Variants in PCDHA10 observed in about 807,000 individuals in gnomAD.
PCDHA10 encodes the protein protocadherin alpha-10.
In PCDHA10, 45 loss-of-function variants were observed where a neutral mutation model predicts 61.2. The observed-to-expected ratio is 0.74, with a 90% CI of 0.58 to 0.94. PCDHA10 has a LOEUF of 0.94. Among genes scored for constraint, PCDHA10 ranks in the 40% least tolerant of loss-of-function variants. PCDHA10 has a pLI of 0.00. For missense variants in PCDHA10, 1,278 were observed against 1,236.2 expected (o/e 1.03, Z -0.51); for synonymous variants, 602 against 548.8 (o/e 1.10, Z -1.35).
chr5:140,999,797 T>C (rs2097876830), intron 3 of PCDHA10, among the ~76,000 whole-genome samples: 1 of 152,202 alleles, frequency 6.6e-6, no homozygotes, highest in African/African-American at 2.4e-5. Context: ...CAGAGTTATT[T>C]TGGGCACAAA....
intron 1 of PCDHA10, among the ~76,000 whole-genome samples, chr5:140,896,063 G>A (rs531616608): frequency 1.4e-3 from 217 of 152,130 alleles, no homozygotes; most frequent in African/African-American, 4.7e-3. Flanking sequence ...CGCCTGCCTC[G>A]GCCTCCCAAC....
intron 3 of PCDHA10, among the ~76,000 whole-genome samples, chr5:140,988,486 T>C (rs2153874124): frequency 6.6e-6 from 1 of 152,286 alleles, no homozygotes; most frequent in South Asian, 2.1e-4. Context: ...TAGCATCCCC[T>C]ACCTAGGAGA....
chr5:140,887,183 A>G (rs1211270850), intron 1 of PCDHA10, among the ~76,000 whole-genome samples: 2 of 147,766 alleles, frequency 1.4e-5, no homozygotes, highest in African/African-American at 5.0e-5. Flanking sequence ...TGCAAGCTCC[A>G]CCTCCCGGGT....
intron 1 of PCDHA10, chr5:140,884,124 G>T: frequency 6.2e-7 from 1 of 1,613,344 alleles, no homozygotes; most frequent in South Asian, 1.1e-5. Flanking sequence ...GTCGGCGCGC[G>T]CATCCCGTTC....
At chr5:140,879,347 T>C (rs530902728) in intron 1 of PCDHA10, among the ~76,000 whole-genome samples, 44 of 152,324 alleles carry the variant, frequency 2.9e-4, no homozygotes, top group African/African-American at 1.0e-3. Context: ...GCTGAGAAGA[T>C]GACATTGCCA....
At chr5:140,903,545 CTT>C (rs1410531246) in intron 1 of PCDHA10, among the ~76,000 whole-genome samples, 2 of 152,130 alleles carry the variant, frequency 1.3e-5, no homozygotes, top group East Asian at 3.8e-4. Flanking sequence ...GAGCAAGAAA[CTT>C]TTCTAATAAG....
At position 140,870,670 on chromosome 5, in the gene PCDHA10, G is replaced by A. The variant is rs782000668; in HGVS notation, c.2388+12234G>A. On this transcript the variant is annotated intron_variant, in intron 1 of 3. Coordinates refer to ENST00000307360, the MANE Select transcript of PCDHA10 (RefSeq NM_018901.4). Reference sequence around the variant, plus strand: ...CAAGGTGTACGCGCTGCAGCCGTTGGACCACGAGGAGCTGGAGCTGCTACA... The same window carrying A: ...CAAGGTGTACGCGCTGCAGCCGTTGAACCACGAGGAGCTGGAGCTGCTACA... The A allele has an allele frequency of 3.1e-6, 5 of 1,612,518 alleles. No individual in the cohort carries two copies. The East Asian group carries it at 1.1e-4, about 36-fold the overall frequency.
In PCDHA10 at chr5:140,882,450, C is replaced by A. The variant is rs781827745; in HGVS notation, c.2388+24014C>A. On this transcript the variant is annotated intron_variant, in intron 1 of 3. Transcript: ENST00000307360. ...GGGCTGGAGCTGGCGGAGCTGGTGC[C>A]GCGCCTGTTCCGGGTGGCGTCCAAA... The A allele has an allele frequency of 1.7e-5, 28 of 1,613,872 alleles. No individual in the cohort carries two copies. In the East Asian group the frequency reaches 4.5e-4, roughly 26 times the overall value.
chr5:140,936,312 C>A (rs2090900162), intron 1 of PCDHA10, among the ~76,000 whole-genome samples: 1 of 152,166 alleles, frequency 6.6e-6, no homozygotes, highest in Non-Finnish European at 1.5e-5. Context: ...ATAGAACTTT[C>A]TGACATGCTA....
chr5:140,967,873 C>T lies in PCDHA10; in HGVS notation c.2389-11076C>T, dbSNP rs1554230047. On this transcript the variant is annotated intron_variant, in intron 1 of 3. Transcript: ENST00000307360. ...ATGCCCCAGAGGTGGTGCTCACGGA[C>T]CTGTATAGCCCAGTGCCTGAGAATG... 1.9e-6 allele frequency: 3 copies of T among 1,614,152 alleles called. No homozygotes were observed. In the Admixed American group the frequency reaches 5.0e-5, roughly 27 times the overall value.
chr5:140,968,569 C>G (rs1554230875), intron 1 of PCDHA10: 18 of 1,614,086 alleles, frequency 1.1e-5, no homozygotes, highest in Non-Finnish European at 1.5e-5. Context: ...CCCCTGCTGG[C>G]TACCTGGTCA....
intron 1 of PCDHA10, among the ~76,000 whole-genome samples, chr5:140,962,145 G>A (rs1195781182): frequency 3.3e-5 from 5 of 152,074 alleles, no homozygotes; most frequent in Non-Finnish European, 7.4e-5. Flanking sequence ...AAAGTGCTGG[G>A]ATTACAGGCG....
At chr5:140,880,972 A>G (rs574204364) in intron 1 of PCDHA10, among the ~76,000 whole-genome samples, 94 of 152,374 alleles carry the variant, frequency 6.2e-4, no homozygotes, top group Non-Finnish European at 8.5e-4. Flanking sequence ...AGAGAATACC[A>G]AATACTCTGC....
At chr5:140,882,180 AG>A (rs2058993159) in intron 1 of PCDHA10, 1 of 1,518,026 alleles carries the variant, frequency 6.6e-7, no homozygotes. Flanking sequence ...CTTCCGCACT[AG>A]GAAGCCATAA....
intron 2 of PCDHA10, among the ~76,000 whole-genome samples, chr5:140,981,738 A>C: frequency 6.6e-6 from 1 of 152,114 alleles, no homozygotes. Flanking sequence ...TGAGAGATTA[A>C]TATGAGTTAG....
In PCDHA10 at chr5:141,005,428, G is replaced by T. The variant is rs907211430; in HGVS notation, c.2537-4199G>T. On this transcript the variant is annotated intron_variant, in intron 3 of 3. Transcript: ENST00000307360. ...AGAGTGAGGAGTCATGCTAAGAATG[G>T]ATGAGAGGCTCACGCCTGTAATCCC... Among the ~76,000 whole-genome samples, 21 of 152,154 alleles carry T rather than the reference G, an allele frequency of 1.4e-4. 1 individual carries two copies. The highest frequency in any genetic ancestry group is 1.2e-3 in the Admixed American group (19 of 15,266).
chr5:140,961,007 T>C (rs2095583572), intron 1 of PCDHA10, among the ~76,000 whole-genome samples: 1 of 152,230 alleles, frequency 6.6e-6, no homozygotes, highest in Non-Finnish European at 1.5e-5. Context: ...GCTGCTGGAC[T>C]GCATGGACAC....
rs1486242200 is a variant in PCDHA10, at chr5:140,900,929, A to G, written c.2388+42493A>G. ...CTGTGGTAAGATGATATCTCATTGT[A>G]GTTTTGATTTGCATTTCTCTGATTA... On this transcript the variant is annotated intron_variant, in intron 1 of 3. Coordinates refer to ENST00000307360, the MANE Select transcript of PCDHA10 (RefSeq NM_018901.4). Among the ~76,000 whole-genome samples, 8 of 152,104 alleles carry G rather than the reference A, an allele frequency of 5.3e-5. No individual in the cohort carries two copies. The East Asian group carries it at 1.5e-3, about 29-fold the overall frequency.
intron 3 of PCDHA10, among the ~76,000 whole-genome samples, chr5:140,986,174 A>G (rs896771813): frequency 1.3e-5 from 2 of 152,238 alleles, no homozygotes; most frequent in Admixed American, 6.5e-5. Flanking sequence ...CAGGATAAAC[A>G]AGTCAGGCAT....
Sources: gnomAD v4.1 joint callset for allele counts (sites outside exome capture counted in the v4.1 genomes callset) on GRCh38, gnomAD v4.1.1 for gene constraint, MANE v1.5 for transcripts, NCBI Gene and HGNC (gene_info 2026-07-23, HGNC 2026-07-21) for gene names.